Variants in CALB2 observed in about 807,000 individuals in gnomAD.
The protein encoded by CALB2 is calbindin 2.
CALB2 carries 34 observed loss-of-function variants against 45.9 expected under a neutral mutation model. The ratio of observed to expected loss-of-function variants is 0.74; its 90% CI spans 0.56 to 0.99. The LOEUF is 0.99. Among genes scored for constraint, CALB2 ranks in the 50% least tolerant of loss-of-function variants. The probability of loss-of-function intolerance (pLI) is 0.00; values close to 1 mark genes in which losing one functional copy is unlikely to be tolerated. For synonymous variants in CALB2, 142 were observed against 129.6 expected (o/e 1.10, Z -0.65); for missense variants, 344 against 339.3 (o/e 1.01, Z -0.11).
Position 71,389,934 on chromosome 16 carries a change from G to C in CALB2, c.*69G>C, listed in dbSNP as rs896607317. The C allele has an allele frequency of 3.7e-6, 4 of 1,077,912 alleles. No individual in the cohort carries two copies. The highest frequency in any genetic ancestry group is 3.5e-5 in the Admixed American group (2 of 57,464). 66.8% of individuals were successfully genotyped at this position (1,077,912 alleles called of 1,614,324 possible). ...TCTGCTGCCCTGATGCGTCTACCCA[G>C]ACTCAGAGACCGTGAGCGCCCCGCC... On this transcript the variant is annotated 3_prime_UTR_variant, in exon 11 of 11. Transcript: ENST00000302628.
intron 3 of CALB2, 78 bp downstream of exon 3, chr16:71,374,912 T>A (rs1271802686): frequency 1.0e-6 from 1 of 988,990 alleles, no homozygotes; most frequent in Non-Finnish European, 1.6e-6. Context: ...ATGAGCATCC[T>A]GCTGAGGATT....
intron 6 of CALB2, among the ~76,000 whole-genome samples, chr16:71,383,763 G>A (rs2144998408): frequency 6.6e-6 from 1 of 152,226 alleles, no homozygotes; most frequent in Non-Finnish European, 1.5e-5. Flanking sequence ...CTGAGGAGGG[G>A]AGAGAGGAGC....
chr16:71,385,028 T>C (rs906845661), intron 9 of CALB2, among the ~76,000 whole-genome samples, 192 bp downstream of exon 9: 23 of 151,782 alleles, frequency 1.5e-4, no homozygotes, highest in African/African-American at 5.6e-4. Context: ...GCCCAAGGGG[T>C]TGGTTTCTGC....
At chr16:71,362,957 A>G (rs2144949227) in intron 1 of CALB2, among the ~76,000 whole-genome samples, 1 of 152,314 alleles carries the variant, frequency 6.6e-6, no homozygotes, top group South Asian at 2.1e-4. Flanking sequence ...AGGCAGGAAG[A>G]TCACTTGAAG....
At chr16:71,377,614 G>T in intron 3 of CALB2, 53 bp from the exon 4 acceptor site, 1 of 1,307,362 alleles carries the variant, frequency 7.6e-7, no homozygotes, top group East Asian at 2.3e-5. Context: ...AATCTGCTCT[G>T]CTCCCTGTCA....
chr16:71,376,784 T>C (rs2042421781), intron 3 of CALB2, among the ~76,000 whole-genome samples: 1 of 151,962 alleles, frequency 6.6e-6, no homozygotes. Context: ...TGCAACCACA[T>C]GCACCCACAT....
chr16:71,383,223 T>A, intron 5 of CALB2, 144 bp from the exon 6 acceptor site: 1 of 781,334 alleles, frequency 1.3e-6, no homozygotes. Flanking sequence ...AGTTAGGAAT[T>A]ATGAGGGCCC....
chr16:71,362,375 C>T (rs1197230316), intron 1 of CALB2, among the ~76,000 whole-genome samples: 3 of 152,198 alleles, frequency 2.0e-5, no homozygotes, highest in African/African-American at 4.8e-5. Context: ...GAGTTCTCTT[C>T]CAGGGGCAAG....
At chr16:71,370,759 C>G (rs1201020041) in intron 1 of CALB2, among the ~76,000 whole-genome samples, 1 of 152,184 alleles carries the variant, frequency 6.6e-6, no homozygotes, top group Non-Finnish European at 1.5e-5. Flanking sequence ...CCAGGAGATT[C>G]TTTGCCACAG....
At chr16:71,379,255 C>T (rs954834406) in intron 4 of CALB2, among the ~76,000 whole-genome samples, 6 of 149,660 alleles carry the variant, frequency 4.0e-5, no homozygotes, top group Non-Finnish European at 5.9e-5. Context: ...CCAGCCTGGG[C>T]GACAAAGACT....
intron 4 of CALB2, among the ~76,000 whole-genome samples, chr16:71,381,924 A>G: frequency 6.6e-6 from 1 of 151,680 alleles, no homozygotes. Context: ...TTAAGCTGGG[A>G]GGATCACTTG....
At chr16:71,369,452 G>T (rs1430931952) in intron 1 of CALB2, among the ~76,000 whole-genome samples, 1 of 152,170 alleles carries the variant, frequency 6.6e-6, no homozygotes, top group Non-Finnish European at 1.5e-5. Flanking sequence ...GAAGGACCTG[G>T]TGCAAAACAG....
intron 1 of CALB2, among the ~76,000 whole-genome samples, chr16:71,367,418 G>A (rs2042300315): frequency 6.6e-6 from 1 of 152,172 alleles, no homozygotes; most frequent in Admixed American, 6.5e-5. Context: ...CATCCTAGAA[G>A]GGTGTGCACC....
At chr16:71,372,078 A>G in intron 1 of CALB2, 75 bp from the exon 2 acceptor site, 3 of 981,104 alleles carry the variant, frequency 3.1e-6, no homozygotes, top group Non-Finnish European at 4.8e-6. Context: ...TTCTCCACGA[A>G]GCCCCCGACA....
chr16:71,374,419 C>G (rs2042387111), intron 2 of CALB2, among the ~76,000 whole-genome samples: 1 of 152,220 alleles, frequency 6.6e-6, no homozygotes, highest in Non-Finnish European at 1.5e-5. Flanking sequence ...ATTCTCACAT[C>G]TGAGTGATGG....
At position 71,358,778 on chromosome 16, in the gene CALB2, T is replaced by C; in HGVS notation, c.-15T>C. 6.3e-7 allele frequency: 1 copy of C among 1,596,650 alleles called. No individual in the cohort carries two copies. Among genetic ancestry groups the C allele is most frequent in the South Asian group, 1.1e-5 (1 of 88,382 alleles). ...AGCGGGAGCGGTGCAGGCTGAGGTC[T>C]CCGAGCGGCTCGCCATGGCTGGCCC... On this transcript the variant is annotated 5_prime_UTR_variant, in exon 1 of 11. Transcript: ENST00000302628.
intron 10 of CALB2, among the ~76,000 whole-genome samples, chr16:71,389,217 C>T (rs537203978): frequency 7.3e-6 from 1 of 137,222 alleles, no homozygotes; most frequent in Non-Finnish European, 1.6e-5. Flanking sequence ...AAATTCCTTG[C>T]TTAAATAGAT....
intron 1 of CALB2, among the ~76,000 whole-genome samples, chr16:71,365,469 G>A (rs1352277644): frequency 1.3e-5 from 2 of 152,146 alleles, no homozygotes; most frequent in Non-Finnish European, 2.9e-5. Context: ...TTTCTAAGAA[G>A]CCCCCAAGTG....
rs533478310 is a variant in CALB2 at position 71,365,451 on chromosome 16, A to C, written c.94+6565A>C. Among the ~76,000 whole-genome samples the C allele has an allele frequency of 2.6e-5, 4 of 152,276 alleles. No individual in the cohort carries two copies. In the South Asian group the frequency reaches 8.3e-4, roughly 32 times the overall value. ...GAGACTCAGATTCTGTAGTCCTTAG[A>C]ATTTGCATTTCTAAGAAGCCCCCAA... On this transcript the variant is annotated intron_variant, in intron 1 of 10. Coordinates refer to ENST00000302628, the MANE Select transcript of CALB2 (RefSeq NM_001740.5).
Sources: gnomAD v4.1 joint callset for allele counts (sites outside exome capture counted in the v4.1 genomes callset) on GRCh38, gnomAD v4.1.1 for gene constraint, MANE v1.5 for transcripts, NCBI Gene and HGNC (gene_info 2026-07-23, HGNC 2026-07-21) for gene names.